HSPA9: variants seen among roughly 807,000 people sequenced by gnomAD.
HSPA9 encodes heat shock protein family A (Hsp70) member 9.
Under a neutral mutation model 81.5 loss-of-function variants are expected in HSPA9, and 28 were observed. The ratio of observed to expected loss-of-function variants is 0.34; its 90% CI spans 0.25 to 0.47. HSPA9 has a LOEUF of 0.47. HSPA9 is among the 20% of genes least tolerant of loss of function. HSPA9 has a pLI of 1.00. For synonymous variants in HSPA9, 293 were observed against 290.4 expected (o/e 1.01, Z -0.09); for missense variants, 678 against 838.0 (o/e 0.81, Z 2.36).
rs1235799030 is a variant in HSPA9, at chr5:138,554,611, G to C, written c.*1426C>G. 6.6e-6 allele frequency among the ~76,000 whole-genome samples: 1 copy of C among 152,160 alleles called. No individual in the cohort carries two copies. Among genetic ancestry groups the C allele is most frequent in the African/African-American group, 2.4e-5 (1 of 41,420 alleles). ...TCTTATACTGATTTTTGGAAATACAGTAATCTCATTTCTACATATTACAAA... is the reference window on the plus strand; with the variant it reads ...TCTTATACTGATTTTTGGAAATACACTAATCTCATTTCTACATATTACAAA... On this transcript the variant is annotated 3_prime_UTR_variant, in exon 17 of 17. Transcript: ENST00000297185.
chr5:138,566,937 G>A, intron 8 of HSPA9, 64 bp downstream of exon 8: 1 of 1,513,222 alleles, frequency 6.6e-7, no homozygotes, highest in Non-Finnish European at 9.2e-7. Context: ...AAAGCAAAGA[G>A]CAATCTGAAC....
intron 14 of HSPA9, 89 bp from the exon 15 acceptor site, chr5:138,556,955 ATACAGT>A (rs1750541298): frequency 1.1e-6 from 1 of 886,698 alleles, no homozygotes; most frequent in Non-Finnish European, 1.9e-6. Context: ...TATGTGTTAC[ATACAGT>A]TACAGATAAA....
In HSPA9 at chr5:138,566,656, C is replaced by T. The variant is rs770108480; in HGVS notation, c.942G>A (p.Lys314=). ...CAGATGAGGAGAGTTCACATTTAGC[C>T]TTTTCAGCAGCTTCCCGTACCCTCT... ...ALQRVREAAE[K]AKCELSSSVQ... is the part of the protein sequence containing the mutation. The change falls in exon 9 of 17, where the codon AAG becomes AAA. Residue 314 remains lysine, a synonymous_variant. Transcript: ENST00000297185. 1.2e-5 allele frequency: 20 copies of T among 1,613,802 alleles called. No individual in the cohort carries two copies. In the Admixed American group the frequency reaches 2.7e-4, roughly 22 times the overall value.
chr5:138,557,860 G>T lies in HSPA9; in HGVS notation c.1633+9C>A, dbSNP rs1375764035. 2.6e-6 allele frequency: 4 copies of T among 1,553,952 alleles called. No homozygotes were observed. The highest frequency in any genetic ancestry group is 3.5e-6 in the Non-Finnish European group (4 of 1,126,770). The stretch of plus-strand genomic sequence containing the variant: ...TCACTCTTAGGGTCTGATAAACAAG[G>T]TGACTTACTCTGCTGCTCACGTCCT... On this transcript the variant is annotated intron_variant, in intron 13 of 16. Transcript: ENST00000297185.
chr5:138,562,422 A>G (rs145477390), intron 9 of HSPA9, among the ~76,000 whole-genome samples: 11 of 151,844 alleles, frequency 7.2e-5, no homozygotes, highest in African/African-American at 2.7e-4. Context: ...GTGGTGGCAC[A>G]TGCCTGTAAT....
Position 138,567,975 on chromosome 5 carries a change from G to C in HSPA9, c.536-253C>G, listed in dbSNP as rs538657685. On this transcript the variant is annotated intron_variant, in intron 5 of 16. Coordinates refer to ENST00000297185, the MANE Select transcript of HSPA9 (RefSeq NM_004134.7). ...TGAGGCGGGCAGATCACCTAAGGTTGAGAGTTTTGAGACCAGCCTAACCAA... is the reference window on the plus strand; with the variant it reads ...TGAGGCGGGCAGATCACCTAAGGTTCAGAGTTTTGAGACCAGCCTAACCAA... 1.3e-4 allele frequency among the ~76,000 whole-genome samples: 20 copies of C among 149,076 alleles called. 1 individual carries two copies. Among genetic ancestry groups the C allele is most frequent in the Admixed American group, 1.3e-3 (20 of 14,974 alleles).
rs781728702 is a variant in HSPA9, at chr5:138,555,816, AG to A, written c.*220del. The A allele has an allele frequency of 1.4e-3, 781 of 575,586 alleles. 5 individuals carry two copies. The highest frequency in any genetic ancestry group is 1.6e-3 in the Non-Finnish European group (519 of 324,216). 35.7% of individuals were successfully genotyped at this position (575,586 alleles called of 1,614,324 possible). ...CTTTTACATGCAGCTGAAAAATGAC[AG>A]GCTAGGGACATAGAATATTGTGAAC... On this transcript the variant is annotated 3_prime_UTR_variant, in exon 17 of 17. Coordinates refer to ENST00000297185, the MANE Select transcript of HSPA9 (RefSeq NM_004134.7).
chr5:138,556,091 A>C lies in HSPA9; in HGVS notation c.1986T>G (p.Ser662=). ...TTTGTTCCCCAGTGCCAGAACTTCCAGAGCCTTCTCGCTCAGATGCCATCT... is the reference window on the plus strand; with the variant it reads ...TTTGTTCCCCAGTGCCAGAACTTCCCGAGCCTTCTCGCTCAGATGCCATCT... ...YKKMASEREG[S]GSSGTGEQKE... Residue 662 remains serine (S), a synonymous_variant, in exon 17 of 17, where the codon TCT becomes TCG. Transcript: ENST00000297185. 1 of 1,613,708 alleles carries C rather than the reference A, an allele frequency of 6.2e-7. No homozygotes were observed. Among genetic ancestry groups the C allele is most frequent in the Non-Finnish European group, 8.5e-7 (1 of 1,179,724 alleles).
At position 138,555,694 on chromosome 5, in the gene HSPA9, C is replaced by T; in HGVS notation, c.*343G>A. 2.8e-6 allele frequency: 1 copy of T among 352,806 alleles called. No homozygotes were observed. Among genetic ancestry groups the T allele is most frequent in the Non-Finnish European group, 5.4e-6 (1 of 185,120 alleles). The allele number at this position is 352,806 out of a possible 1,614,324, so 21.9% of individuals were successfully genotyped here. A position where few individuals can be genotyped will look rare whatever the true frequency, so the allele number is the denominator to read the frequency against. On this transcript the variant is annotated 3_prime_UTR_variant, in exon 17 of 17. Coordinates refer to ENST00000297185, the MANE Select transcript of HSPA9 (RefSeq NM_004134.7). ...TCATTTCAAGTCTATGGATGACTACCTTCATTGCTGTGTGCGAGATGGTTT... is the reference window on the plus strand; with the variant it reads ...TCATTTCAAGTCTATGGATGACTACTTTCATTGCTGTGTGCGAGATGGTTT...
In HSPA9 at chr5:138,567,572, C is replaced by T; in HGVS notation, c.610-11G>A. On this transcript the variant is annotated splice_polypyrimidine_tract_variant and intron_variant, in intron 6 of 16. Coordinates refer to ENST00000297185, the MANE Select transcript of HSPA9 (RefSeq NM_004134.7). ...AGCATCTTTAGTGGCCTAGAGAAAA[C>T]AAAGAGAAAAACATTTTTGTACCCT... 1 of 1,613,208 alleles carries T rather than the reference C, an allele frequency of 6.2e-7. No individual in the cohort carries two copies. The highest frequency in any genetic ancestry group is 8.5e-7 in the Non-Finnish European group (1 of 1,179,198).
intron 10 of HSPA9, 88 bp downstream of exon 10, chr5:138,561,492 G>A (rs1021820933): frequency 2.0e-6 from 2 of 978,292 alleles, no homozygotes; most frequent in African/African-American, 3.2e-5. Context: ...CACCCCAGCA[G>A]AATGGGCCAT....
Position 138,557,449 on chromosome 5 carries a change from T to C in HSPA9, c.1681A>G (p.Met561Val). 1 of 1,611,064 alleles carries C rather than the reference T, an allele frequency of 6.2e-7. No individual in the cohort carries two copies. Among genetic ancestry groups the C allele is most frequent in the Non-Finnish European group, 8.5e-7 (1 of 1,177,682 alleles). The change falls in exon 14 of 17, where the codon ATG becomes GTG. Residue 561 changes from methionine (M) to valine (V), a missense_variant. Met to Val is a conservative substitution (Grantham distance 21, BLOSUM62 1). Coordinates refer to ENST00000297185, the MANE Select transcript of HSPA9 (RefSeq NM_004134.7). The part of the protein sequence containing the change: ...GGLSKDDIEN[M>V]VKNAEKYAEE... ...GCATATTTCTCTGCATTTTTAACCA[T>C]ATTTTCAATATCATCTTTGCTTAAT...
chr5:138,565,098 A>G (rs985526111), intron 9 of HSPA9, among the ~76,000 whole-genome samples: 11 of 152,230 alleles, frequency 7.2e-5, no homozygotes, highest in African/African-American at 2.4e-4. Context: ...AGGATGCTCA[A>G]TACATCTTGC....
chr5:138,570,979 G>A lies in HSPA9; in HGVS notation c.391C>T (p.Pro131Ser). Reference protein sequence around the residue: ...KRLIGRRYDDPEVQKDIKNVP... With the variant: ...KRLIGRRYDDSEVQKDIKNVP... ...ACTCACATGTCTTTCTGTACTTCAG[G>A]ATCATCATATCGCCGGCCAATGAGA... Residue 131 changes from proline to serine, a missense_variant, in exon 4 of 17, where the codon CCT (proline) becomes TCT (serine). By Grantham distance (74) the Pro-to-Ser change is moderately conservative (BLOSUM62 -1). Coordinates refer to ENST00000297185, the MANE Select transcript of HSPA9 (RefSeq NM_004134.7). 1 of 1,614,096 alleles carries A rather than the reference G, an allele frequency of 6.2e-7. No homozygotes were observed. Among genetic ancestry groups the A allele is most frequent in the Non-Finnish European group, 8.5e-7 (1 of 1,180,024 alleles).
Position 138,561,676 on chromosome 5 carries a change from A to T in HSPA9, c.1086T>A (p.Thr362=), listed in dbSNP as rs1170379989. The change falls in exon 10 of 17, where the codon ACT becomes ACA. Residue 362 remains threonine (T), a synonymous_variant. Transcript: ENST00000297185. ...EGIVTDLIRR[T]IAPCQKAMQD... is the part of the protein sequence containing the mutation. ...GCATAGCTTTTTGGCATGGAGCGAT[A>T]GTCCTTCTGATTAGATCAGTGACAA... 6.2e-7 allele frequency: 1 copy of T among 1,614,064 alleles called. No homozygotes were observed. The highest frequency in any genetic ancestry group is 1.3e-5 in the African/African-American group (1 of 74,950).
chr5:138,554,411 T>A lies in HSPA9; in HGVS notation c.*1626A>T, dbSNP rs756935535. ...CTAAAAGTTATTTTCCAACACACCA[T>A]ATAACAATCCTTCATAATCCTACAA... On this transcript the variant is annotated 3_prime_UTR_variant, in exon 17 of 17. Transcript: ENST00000297185. Among the ~76,000 whole-genome samples, 2 of 152,204 alleles carry A rather than the reference T, an allele frequency of 1.3e-5. No individual in the cohort carries two copies. Among genetic ancestry groups the A allele is most frequent in the Non-Finnish European group, 2.9e-5 (2 of 68,042 alleles).
chr5:138,570,615 A>C (rs1430745953), intron 4 of HSPA9, among the ~76,000 whole-genome samples: 2 of 152,070 alleles, frequency 1.3e-5, no homozygotes, highest in Non-Finnish European at 2.9e-5. Flanking sequence ...CCTCCTGAGT[A>C]GCCGGGATTA....
chr5:138,567,176 T>G lies in HSPA9; in HGVS notation c.717-13A>C, dbSNP rs989191226. ...ATATACAGCAATGCTGTAAATGATT[T>G]GTGAAAAAAAAAAGAAAAGAAATCC... is the stretch of plus-strand genomic sequence containing the variant. On this transcript the variant is annotated splice_polypyrimidine_tract_variant and intron_variant, in intron 7 of 16. Transcript: ENST00000297185. 1 of 1,554,386 alleles carries G rather than the reference T, an allele frequency of 6.4e-7. No individual in the cohort carries two copies. The highest frequency in any genetic ancestry group is 8.6e-7 in the Non-Finnish European group (1 of 1,161,056).
chr5:138,558,148 G>A (rs568534084), intron 12 of HSPA9, among the ~76,000 whole-genome samples, 162 bp from the exon 13 acceptor site: 3 of 152,214 alleles, frequency 2.0e-5, no homozygotes, highest in South Asian at 2.1e-4. Context: ...GTAGTAGTTC[G>A]CTGCCTGAAA....
Sources: gnomAD v4.1 joint callset for allele counts (sites outside exome capture counted in the v4.1 genomes callset) on GRCh38, gnomAD v4.1.1 for gene constraint, MANE v1.5 for transcripts, NCBI Gene and HGNC (gene_info 2026-07-23, HGNC 2026-07-21) for gene names.